The following CHD6 variants were observed in gnomAD, a reference collection of about 807,000 sequenced individuals.
CHD6 encodes ATP-dependent chromatin remodeler CHD6.
A neutral mutation model predicts 276.9 loss-of-function variants in CHD6; 50 were observed. That is an observed-to-expected ratio of 0.18 (90% CI 0.14 to 0.23). CHD6 has a LOEUF of 0.23. Among genes scored for constraint, CHD6 ranks in the 10% least tolerant of loss-of-function variants. CHD6 has a pLI of 1.00. For missense variants in CHD6, 2,564 were observed against 3,365.8 expected, an observed-to-expected ratio of 0.76 and a Z score of 5.89; for synonymous variants, 1,173 against 1,229.3, an observed-to-expected ratio of 0.95 and a Z score of 0.96.
Position 41,545,882 on chromosome 20 carries a change from C to T in CHD6, c.33+5423G>A, listed in dbSNP as rs555956822. ...AAAAAGCCTGAAACCTAGCTCCCCA[C>T]AGAAGACGCTGCCTCTTTTTAGAAC... On this transcript the variant is annotated intron_variant, in intron 2 of 36. Transcript: ENST00000373233. 3.6e-4 allele frequency among the ~76,000 whole-genome samples: 55 copies of T among 152,278 alleles called. No homozygotes were observed. In the Middle Eastern group the frequency reaches 0.01, roughly 28 times the overall value.
chr20:41,582,404 T>G (rs1157001078), intron 1 of CHD6, among the ~76,000 whole-genome samples: 1 of 152,182 alleles, frequency 6.6e-6, no homozygotes, highest in African/African-American at 2.4e-5. Context: ...TGTGAAACTT[T>G]ATAATAATTG....
At chr20:41,500,192 G>T (rs930733603) in intron 5 of CHD6, among the ~76,000 whole-genome samples, 1 of 152,092 alleles carries the variant, frequency 6.6e-6, no homozygotes, top group Non-Finnish European at 1.5e-5. Context: ...CATATGAAAA[G>T]AACACTCATC....
chr20:41,426,046 AAACT>A, intron 28 of CHD6, 43 bp downstream of exon 28: 1 of 1,336,552 alleles, frequency 7.5e-7, no homozygotes, highest in Non-Finnish European at 1.1e-6. Flanking sequence ...GATAACTAAC[AAACT>A]AAGACCTTAC....
intron 29 of CHD6, among the ~76,000 whole-genome samples, chr20:41,424,241 G>A (rs1160290734): frequency 6.6e-6 from 1 of 152,192 alleles, no homozygotes; most frequent in Admixed American, 6.5e-5. Flanking sequence ...GTGGTTTTAT[G>A]TAGGTAGGTT....
At chr20:41,587,086 A>T (rs564030701) in intron 1 of CHD6, among the ~76,000 whole-genome samples, 1 of 152,304 alleles carries the variant, frequency 6.6e-6, no homozygotes, top group South Asian at 2.1e-4. Flanking sequence ...AATCTATAAA[A>T]AGAGCTTCTA....
intron 34 of CHD6, chr20:41,414,786 T>A (rs1029224225): frequency 1.9e-6 from 2 of 1,070,760 alleles, no homozygotes; most frequent in Non-Finnish European, 2.3e-6. Flanking sequence ...CAGGATCACA[T>A]TCAGGTAGCC....
At chr20:41,465,209 G>T (rs2042893519) in intron 17 of CHD6, among the ~76,000 whole-genome samples, 1 of 152,170 alleles carries the variant, frequency 6.6e-6, no homozygotes, top group African/African-American at 2.4e-5. Context: ...TCACTCAGAA[G>T]ATACTAATTT....
At chr20:41,614,959 A>AT (rs1479481134) in intron 1 of CHD6, among the ~76,000 whole-genome samples, 4 of 152,224 alleles carry the variant, frequency 2.6e-5, no homozygotes, top group Non-Finnish European at 4.4e-5. Context: ...TCAGTGACAA[A>AT]TTCCTGAAAC....
Position 41,452,094 on chromosome 20 carries a change from G to T in CHD6, c.3324-69C>A. 3 of 1,197,504 alleles carry T rather than the reference G, an allele frequency of 2.5e-6. No individual in the cohort carries two copies. Among genetic ancestry groups the T allele is most frequent in the Non-Finnish European group, 3.7e-6 (3 of 813,510 alleles). The allele number at this position is 1,197,504 out of a possible 1,614,324, so 74.2% of individuals were successfully genotyped here. A position where few individuals can be genotyped will look rare whatever the true frequency, so the allele number is the denominator to read the frequency against. On this transcript the variant is annotated intron_variant, in intron 21 of 36. Transcript: ENST00000373233. The surrounding 1 kb of genome is among the most constrained non-coding windows in gnomAD (Gnocchi z 4.2). Reference sequence around the variant, plus strand: ...AGGCCATGCAGGCAGCCTCCCCACAGGAGGAGAAACAAGAGCCATACATGC... The same window carrying T: ...AGGCCATGCAGGCAGCCTCCCCACATGAGGAGAAACAAGAGCCATACATGC...
chr20:41,445,810 A>T, intron 24 of CHD6, 42 bp from the exon 25 acceptor site: 2 of 1,282,242 alleles, frequency 1.6e-6, no homozygotes, highest in South Asian at 2.4e-5. Flanking sequence ...CACAAAAGCT[A>T]CTGGTCCAAC....
Position 41,403,632 on chromosome 20 carries a change from T to C in CHD6, c.*961A>G. On this transcript the variant is annotated 3_prime_UTR_variant, in exon 37 of 37. Transcript: ENST00000373233. ...AGCAAGTGTCAAAGTGTTGGGCAAC[T>C]GTCTTCTTGCAGGCTCCAGAAAGAA... is the stretch of plus-strand genomic sequence containing the variant. The C allele has an allele frequency of 9.4e-7, 1 of 1,061,884 alleles. No homozygotes were observed. 65.8% of individuals were successfully genotyped at this position (1,061,884 alleles called of 1,614,324 possible).
At chr20:41,571,821 T>C (rs964520553) in intron 1 of CHD6, among the ~76,000 whole-genome samples, 2 of 152,170 alleles carry the variant, frequency 1.3e-5, no homozygotes, top group Admixed American at 1.3e-4. Context: ...TGAAATATAA[T>C]AGACATTATA....
intron 31 of CHD6, among the ~76,000 whole-genome samples, chr20:41,417,715 T>G (rs1205677530): frequency 6.6e-6 from 1 of 152,160 alleles, no homozygotes; most frequent in East Asian, 1.9e-4. Context: ...TTCTAACACT[T>G]TGAGATCTTT....
chr20:41,514,958 A>G lies in CHD6; in HGVS notation c.555-6T>C. The G allele has an allele frequency of 6.2e-7, 1 of 1,613,646 alleles. No homozygotes were observed. ...GGGTTGGTCCTTGCTCCTTGCTACA[A>G]GGAGAAATTCAGAATTAAAACTGTT... is the stretch of plus-strand genomic sequence containing the variant. On this transcript the variant is annotated splice_region_variant and splice_polypyrimidine_tract_variant and intron_variant, in intron 3 of 36. Transcript: ENST00000373233.
chr20:41,446,549 G>A (rs2048074666), intron 24 of CHD6, among the ~76,000 whole-genome samples: 1 of 152,138 alleles, frequency 6.6e-6, no homozygotes, highest in Non-Finnish European at 1.5e-5. Context: ...GCATGCATCT[G>A]GATGGCTTCT....
intron 3 of CHD6, among the ~76,000 whole-genome samples, chr20:41,531,144 T>G (rs1465827125): frequency 6.6e-6 from 1 of 152,154 alleles, no homozygotes; most frequent in Non-Finnish European, 1.5e-5. Flanking sequence ...CCTCATACAA[T>G]GTAAACATGA....
intron 1 of CHD6, among the ~76,000 whole-genome samples, chr20:41,553,597 T>C (rs979234384): frequency 6.6e-6 from 1 of 152,240 alleles, no homozygotes; most frequent in Non-Finnish European, 1.5e-5. Context: ...CTCCAGCCAA[T>C]GGATGCAGGA....
At chr20:41,616,139 T>C (rs1007424418) in intron 1 of CHD6, among the ~76,000 whole-genome samples, 2 of 152,244 alleles carry the variant, frequency 1.3e-5, no homozygotes, top group Non-Finnish European at 2.9e-5. Context: ...GTCGTATTTC[T>C]CCCACTTCAC....
intron 3 of CHD6, among the ~76,000 whole-genome samples, chr20:41,532,468 C>T (rs900790542): frequency 1.3e-5 from 2 of 152,232 alleles, no homozygotes; most frequent in African/African-American, 4.8e-5. Flanking sequence ...TGCCACTCTA[C>T]ACGACTGCTG....
Sources: gnomAD v4.1 joint callset for allele counts (sites outside exome capture counted in the v4.1 genomes callset) on GRCh38, gnomAD v4.1.1 for gene constraint, Gnocchi (gnomAD v3.1) non-coding constraint, MANE v1.5 for transcripts, NCBI Gene and HGNC (gene_info 2026-07-23, HGNC 2026-07-21) for gene names.